Variants in CSMD1 observed in about 807,000 individuals in gnomAD.
The protein encoded by CSMD1 is CUB and sushi domain-containing protein 1.
In CSMD1, 213 loss-of-function variants were observed where a neutral mutation model predicts 417.5. That is an observed-to-expected ratio of 0.51 (90% confidence interval 0.46 to 0.57). The LOEUF is 0.57. Among genes scored for constraint, CSMD1 ranks in the 20% least tolerant of loss-of-function variants. CSMD1 has a pLI of 0.00. For missense variants in CSMD1, 6,923 were observed against 4,529.7 expected (o/e 1.53, Z -15.17); for synonymous variants, 2,862 against 1,736.8 (o/e 1.65, Z -16.11).
In CSMD1 at chr8:3,645,590, G is replaced by C. The variant is rs185328821; in HGVS notation, c.1010-28793C>G. On this transcript the variant is annotated intron_variant, in intron 7 of 69. Coordinates refer to ENST00000635120, the MANE Select transcript of CSMD1 (RefSeq NM_033225.6). ...AGTCTTCTGCAAGGGATCATGGGAA[G>C]AGTCAGCCTTCTGCAAGGGATCATG... Among the ~76,000 whole-genome samples, 3 of 152,256 alleles carry C rather than the reference G, an allele frequency of 2.0e-5. No homozygotes were observed. The East Asian group carries it at 5.8e-4, about 29-fold the overall frequency.
intron 20 of CSMD1, 52 bp downstream of exon 20, chr8:3,366,980 A>G (rs1809616750): frequency 7.4e-7 from 1 of 1,357,884 alleles, no homozygotes. Context: ...TCACTAACAG[A>G]AATGGCAGTA....
intron 18 of CSMD1, among the ~76,000 whole-genome samples, chr8:3,381,828 G>C (rs764715041): frequency 3.9e-5 from 6 of 152,172 alleles, no homozygotes; most frequent in African/African-American, 9.7e-5. Context: ...GCGAGCATGA[G>C]AGTTACAATT....
At chr8:3,767,007 A>G (rs559030751) in intron 5 of CSMD1, among the ~76,000 whole-genome samples, 2 of 152,268 alleles carry the variant, frequency 1.3e-5, no homozygotes, top group Admixed American at 1.3e-4. Context: ...AGCCCTCAAC[A>G]TCTGAGATCA....
chr8:3,144,603 G>C (rs757411606), intron 40 of CSMD1, among the ~76,000 whole-genome samples: 7 of 152,034 alleles, frequency 4.6e-5, no homozygotes, highest in Non-Finnish European at 8.8e-5. Context: ...ATCGTCTGCT[G>C]TATATAATCA....
intron 6 of CSMD1, among the ~76,000 whole-genome samples, chr8:3,742,718 CAGAGAGAG>C (rs201388373): frequency 6.7e-6 from 1 of 148,772 alleles, no homozygotes. Context: ...TGCATAGGAT[CAGAGAGAG>C]AGAGAGAGAG....
chr8:4,383,731 A>C (rs1803257023), intron 3 of CSMD1, among the ~76,000 whole-genome samples: 2 of 151,368 alleles, frequency 1.3e-5, no homozygotes, highest in African/African-American at 4.8e-5. Context: ...GAGAAATTCC[A>C]CATGTGCAGA....
At chr8:4,865,230 A>G (rs993289816) in intron 1 of CSMD1, among the ~76,000 whole-genome samples, 2 of 151,824 alleles carry the variant, frequency 1.3e-5, no homozygotes, top group African/African-American at 4.8e-5. Flanking sequence ...TTAAAAAATT[A>G]AATACTTGTA....
intron 2 of CSMD1, among the ~76,000 whole-genome samples, chr8:4,497,128 T>C (rs1452762185): frequency 6.6e-6 from 1 of 152,196 alleles, no homozygotes. Context: ...AGCTTGTCTA[T>C]AGCCCTTGAC....
At chr8:4,367,373 G>C (rs1219906250) in intron 3 of CSMD1, among the ~76,000 whole-genome samples, 1 of 152,048 alleles carries the variant, frequency 6.6e-6, no homozygotes, top group African/African-American at 2.4e-5. Context: ...GATTGTAGGT[G>C]TATGGCTTTA....
intron 25 of CSMD1, among the ~76,000 whole-genome samples, chr8:3,286,146 G>C (rs1439598733): frequency 6.6e-6 from 1 of 152,104 alleles, no homozygotes; most frequent in Non-Finnish European, 1.5e-5. Context: ...TCCCTACAAA[G>C]GACATGAACT....
At chr8:3,879,836 C>CGTGTGT (rs55713446) in intron 5 of CSMD1, among the ~76,000 whole-genome samples, 3 of 150,530 alleles carry the variant, frequency 2.0e-5, no homozygotes, top group Admixed American at 6.6e-5. Context: ...TGTGCGTGTG[C>CGTGTGT]GTGTGTGTGT....
intron 1 of CSMD1, among the ~76,000 whole-genome samples, chr8:4,810,080 T>G (rs2117328507): frequency 1.3e-5 from 2 of 152,360 alleles, no homozygotes; most frequent in Admixed American, 1.3e-4. Context: ...TTAGCTCATT[T>G]GGTAACTATT....
At chr8:3,444,685 C>A (rs907526036) in intron 12 of CSMD1, among the ~76,000 whole-genome samples, 1 of 152,080 alleles carries the variant, frequency 6.6e-6, no homozygotes, top group African/African-American at 2.4e-5. Context: ...AGGCCTGAGG[C>A]TGAGGAGGCT....
intron 8 of CSMD1, chr8:3,598,436 T>A (rs1408410093): frequency 6.6e-6 from 1 of 152,136 alleles, no homozygotes; most frequent in Non-Finnish European, 1.5e-5. Flanking sequence ...CCCTCAGGGT[T>A]TTTACACAGG....
At chr8:3,840,927 G>T (rs184330675) in intron 5 of CSMD1, among the ~76,000 whole-genome samples, 1 of 151,754 alleles carries the variant, frequency 6.6e-6, no homozygotes, top group Non-Finnish European at 1.5e-5. Flanking sequence ...GGCTGGTCTC[G>T]AACTCCTGAA....
At chr8:3,808,552 C>T (rs758486760) in intron 5 of CSMD1, among the ~76,000 whole-genome samples, 1 of 152,182 alleles carries the variant, frequency 6.6e-6, no homozygotes, top group Admixed American at 6.5e-5. Context: ...GTCTGTCTCT[C>T]TTTATGATAT....
chr8:4,894,496 T>C (rs1804344199), intron 1 of CSMD1, among the ~76,000 whole-genome samples: 1 of 150,684 alleles, frequency 6.6e-6, no homozygotes, highest in Admixed American at 6.6e-5. Flanking sequence ...GAGGTTGCAG[T>C]GAGCCGAGAT....
chr8:4,382,018 T>G (rs1248451278), intron 3 of CSMD1, among the ~76,000 whole-genome samples: 3 of 152,168 alleles, frequency 2.0e-5, no homozygotes, highest in Non-Finnish European at 4.4e-5. Context: ...GGAAATGGTA[T>G]AGCTGGGGTC....
chr8:4,855,250 A>G (rs1217535310), intron 1 of CSMD1, among the ~76,000 whole-genome samples: 4 of 151,166 alleles, frequency 2.6e-5, no homozygotes, highest in Admixed American at 6.7e-5. Context: ...TATCCACATC[A>G]AAAACCCATC....
Sources: gnomAD v4.1 joint callset for allele counts (sites outside exome capture counted in the v4.1 genomes callset) on GRCh38, gnomAD v4.1.1 for gene constraint, MANE v1.5 for transcripts, NCBI Gene and HGNC (gene_info 2026-07-23, HGNC 2026-07-21) for gene names.